Variants in NEB observed in about 807,000 individuals in gnomAD.
NEB encodes the protein nemaline myopathy type 2.
In NEB, 512 loss-of-function variants were observed where a neutral mutation model predicts 952.2. That is an observed-to-expected ratio of 0.54 (90% CI 0.50 to 0.58). The LOEUF (loss-of-function observed/expected upper bound fraction) is 0.58, where lower values mean the gene tolerates loss of function less well. Among genes scored for constraint, NEB ranks in the 20% least tolerant of loss-of-function variants. The probability of loss-of-function intolerance (pLI) is 0.00; values close to 1 mark genes in which losing one functional copy is unlikely to be tolerated. For synonymous variants in NEB, 2,900 were observed against 3,149.8 expected, an observed-to-expected ratio of 0.92 and a Z score of 2.66; for missense variants, 8,428 against 9,231.1, an observed-to-expected ratio of 0.91 and a Z score of 3.56.
intron 10 of NEB, among the ~76,000 whole-genome samples, chr2:151,712,464 C>A (rs576514493): frequency 6.6e-6 from 1 of 152,268 alleles, no homozygotes; most frequent in African/African-American, 2.4e-5. Context: ...GATCACTCAA[C>A]CCCCTCATCC....
At chr2:151,626,212 T>G (rs2098521788) in intron 70 of NEB, among the ~76,000 whole-genome samples, 1 of 151,678 alleles carries the variant, frequency 6.6e-6, no homozygotes, top group African/African-American at 2.4e-5. Context: ...CTCTCCAGGC[T>G]CAGGTGATCC....
intron 153 of NEB, among the ~76,000 whole-genome samples, chr2:151,522,741 C>T (rs897491199): frequency 5.3e-5 from 8 of 152,212 alleles, no homozygotes; most frequent in African/African-American, 1.9e-4. Flanking sequence ...TCTTACATCA[C>T]TGATGTGTAC....
chr2:151,548,477 T>C, intron 130 of NEB, 62 bp from the exon 131 acceptor site: 1 of 1,158,368 alleles, frequency 8.6e-7, no homozygotes, highest in Non-Finnish European at 1.3e-6. Flanking sequence ...ATTACATTTC[T>C]CCAAATAGAA....
chr2:151,578,263 A>G (rs1053875132), intron 105 of NEB, among the ~76,000 whole-genome samples: 3 of 148,404 alleles, frequency 2.0e-5, no homozygotes, highest in African/African-American at 7.3e-5. Context: ...ATGAAAGACC[A>G]CATTGTGAAG....
chr2:151,579,186 TG>T (rs1225646817), intron 105 of NEB, among the ~76,000 whole-genome samples, 151 bp downstream of exon 105: 2 of 92,378 alleles, frequency 2.2e-5, no homozygotes, highest in Non-Finnish European at 5.4e-5. Flanking sequence ...GAAAACTTTC[TG>T]AAGAAACCTG....
Position 151,691,939 on chromosome 2 carries a change from A to C in NEB, c.2136T>G (p.Asp712Glu), listed in dbSNP as rs1359338282. Residue 712 changes from aspartate to glutamate, a missense_variant, in exon 23 of 182, where the codon GAT becomes GAG. Physicochemically the swap from Asp to Glu is conservative, Grantham distance 45 (BLOSUM62 2). Around this residue, in one of 11 missense-constraint regions of NEB, gnomAD observed 2,851 missense variants for 2,791.5 expected, o/e 1.02. Transcript: ENST00000397345. ...TCTGAGGGAAATAGCATTTTCCTTT[A>C]TCTTCTTCATATTCTGCTTTGTAAC... is the stretch of plus-strand genomic sequence containing the variant. ...DKSYKAEYEEDKGKCYFPQTI... is the reference protein window; with the variant it reads ...DKSYKAEYEEEKGKCYFPQTI... 7 of 1,610,572 alleles carry C rather than the reference A, an allele frequency of 4.3e-6. No homozygotes were observed. Among genetic ancestry groups the C allele is most frequent in the Middle Eastern group, 1.7e-4 (1 of 6,058 alleles).
Position 151,656,287 on chromosome 2 carries a change from T to C in NEB, c.6361A>G (p.Ser2121Gly). 2 of 1,613,752 alleles carry C rather than the reference T, an allele frequency of 1.2e-6. No individual in the cohort carries two copies. The highest frequency in any genetic ancestry group is 1.7e-6 in the Non-Finnish European group (2 of 1,179,742). Reference protein sequence around the residue: ...TSYHTPADMLSVTAAKDAQAN... With the variant: ...TSYHTPADMLGVTAAKDAQAN... ...TGGGCATCCTTTGCAGCCGTGACAC[T>C]GAGCATGTCGGCAGGGGTGTGGTAG... is the stretch of plus-strand genomic sequence containing the variant. The change falls in exon 49 of 182, where the codon AGT becomes GGT. Residue 2121 changes from serine (S) to glycine (G), a missense_variant. Ser to Gly is a moderately conservative substitution (Grantham distance 56). Transcript: ENST00000397345.
At chr2:151,509,043 G>A (rs1244380339) in intron 161 of NEB, among the ~76,000 whole-genome samples, 1 of 152,196 alleles carries the variant, frequency 6.6e-6, no homozygotes, top group African/African-American at 2.4e-5. Flanking sequence ...TGAGGGCTGA[G>A]GAATGAGACT....
Position 151,631,202 on chromosome 2 carries a change from T to C in NEB, c.9559A>G (p.Ser3187Gly), listed in dbSNP as rs762662926. 3.7e-6 allele frequency: 6 copies of C among 1,613,968 alleles called. No homozygotes were observed. The South Asian group carries it at 5.5e-5, about 15-fold the overall frequency. The change falls in exon 66 of 182, where the codon AGT becomes GGT. Residue 3187 changes from serine (S) to glycine (G), a missense_variant. Transcript: ENST00000397345. ...RQPPDKLKFT[S>G]VTDSLEQVLA... The stretch of plus-strand genomic sequence containing the variant: ...ACCTGCTCTAGAGAATCAGTCACAC[T>C]GGTAAATTTCAGCTTGTCCGGAGGC...
At chr2:151,634,353 G>A (rs2098717946) in intron 64 of NEB, among the ~76,000 whole-genome samples, 1 of 152,088 alleles carries the variant, frequency 6.6e-6, no homozygotes, top group Non-Finnish European at 1.5e-5. Flanking sequence ...TTGATAAACA[G>A]TAAAATGAGG....
Position 151,618,343 on chromosome 2 carries a change from T to C in NEB, c.11008A>G (p.Lys3670Glu), listed in dbSNP as rs772344121. The change falls in exon 74 of 182, where the codon AAA becomes GAA. Residue 3670 changes from lysine (K) to glutamate (E), a missense_variant. Coordinates refer to ENST00000397345, the MANE Select transcript of NEB (RefSeq NM_001164508.2). ...TIYRQRPETL[K>E]FTSITDTPEQ... ...GGAGTGTCCGTTATACTGGTAAATT[T>C]CAGCGTTTCTGGACGCTGACGGTAG... The C allele has an allele frequency of 6.2e-7, 1 of 1,614,028 alleles. No homozygotes were observed. Among genetic ancestry groups the C allele is most frequent in the South Asian group, 1.1e-5 (1 of 91,088 alleles).
At chr2:151,559,286 A>G (rs981831823) in intron 124 of NEB, among the ~76,000 whole-genome samples, 1 of 152,246 alleles carries the variant, frequency 6.6e-6, no homozygotes, top group Admixed American at 6.5e-5. Context: ...CAAAGTCAGG[A>G]AACAACAGAT....
At chr2:151,657,952 C>A (rs1333795632) in intron 48 of NEB, 31 bp downstream of exon 48, 2 of 1,493,394 alleles carry the variant, frequency 1.3e-6, no homozygotes, top group South Asian at 1.2e-5. Context: ...TTAGAAACCC[C>A]CAGCCAGGTG....
intron 92 of NEB, among the ~76,000 whole-genome samples, chr2:151,595,333 C>A (rs2097403973): frequency 2.6e-5 from 4 of 151,726 alleles, no homozygotes; most frequent in South Asian, 2.1e-4. Context: ...TTACTGCAAA[C>A]CTCCGCCTCC....
chr2:151,501,621 A>G, intron 167 of NEB, 138 bp from the exon 168 acceptor site: 2 of 476,256 alleles, frequency 4.2e-6, no homozygotes, highest in Non-Finnish European at 7.6e-6. Context: ...TTAAAAATAG[A>G]GTTAACTATA....
chr2:151,513,766 G>T, intron 159 of NEB, 73 bp from the exon 160 acceptor site: 3 of 1,060,010 alleles, frequency 2.8e-6, no homozygotes, highest in Non-Finnish European at 4.2e-6. Flanking sequence ...CAGGGTGAAT[G>T]TAAATCCACA....
chr2:151,506,970 G>A lies in NEB; in HGVS notation c.23495C>T (p.Thr7832Ile), dbSNP rs34368668. Residue 7832 changes from threonine to isoleucine, a missense_variant, in exon 163 of 182, where the codon ACA (threonine) becomes ATA (isoleucine). By Grantham distance (89) the Thr-to-Ile change is moderately conservative (BLOSUM62 -1). Coordinates refer to ENST00000397345, the MANE Select transcript of NEB (RefSeq NM_001164508.2). ...TATTTCTGGCGTGTCTTGAACAACT[G>A]TAATTTTTCCTTTACTGTTTTTAAG... is the stretch of plus-strand genomic sequence containing the variant. ...CDLKNSKGKI[T>I]VVQDTPEILR... The A allele has an allele frequency of 2.1e-3, 3,418 of 1,611,056 alleles. 60 individuals are homozygous for A. In the African/African-American group the frequency reaches 0.038, roughly 18 times the overall value.
intron 49 of NEB, 55 bp from the exon 50 acceptor site, chr2:151,656,078 T>C (rs1158111947): frequency 5.7e-6 from 9 of 1,592,236 alleles, no homozygotes; most frequent in Admixed American, 3.4e-5. Context: ...ACACAAACCA[T>C]GGCATGTAAA....
At position 151,672,783 on chromosome 2, in the gene NEB, A is replaced by G. The variant is rs928820550; in HGVS notation, c.3988-103T>C. The stretch of plus-strand genomic sequence containing the variant: ...CACTCAGAGCTTTGTGACTTTCTCA[A>G]GAGTGTACAAAAAATGCAAACCACA... On this transcript the variant is annotated intron_variant, in intron 36 of 181. Transcript: ENST00000397345. The G allele has an allele frequency of 2.6e-5, 29 of 1,125,924 alleles. No individual in the cohort carries two copies. The African/African-American group carries it at 4.5e-4, about 17-fold the overall frequency. 69.7% of individuals were successfully genotyped at this position (1,125,924 alleles called of 1,614,324 possible). A position where few individuals can be genotyped will look rare whatever the true frequency, so the allele number is the denominator to read the frequency against.
Sources: allele counts gnomAD v4.1 joint callset (sites outside exome capture counted in the v4.1 genomes callset), GRCh38; gene constraint gnomAD v4.1.1; regional missense constraint gnomAD v4.1.1; transcripts MANE v1.5; gene names NCBI Gene and HGNC (gene_info 2026-07-23, HGNC 2026-07-21).